Variants in CAMKK1 observed in about 807,000 individuals in gnomAD.
CAMKK1 encodes the protein calcium/calmodulin dependent protein kinase kinase 1.
CAMKK1 carries 20 observed loss-of-function variants against 63.5 expected under a neutral mutation model. That is an observed-to-expected ratio of 0.32 (90% CI 0.22 to 0.46). CAMKK1 has a LOEUF of 0.46. Among genes scored for constraint, CAMKK1 ranks in the 20% least tolerant of loss-of-function variants. CAMKK1 has a pLI of 1.00. For missense variants in CAMKK1, 588 were observed against 658.1 expected, an observed-to-expected ratio of 0.89 and a Z score of 1.17; for synonymous variants, 253 against 269.0, an observed-to-expected ratio of 0.94 and a Z score of 0.58.
Position 3,876,240 on chromosome 17 carries a change from G to T in CAMKK1, c.979C>A (p.Gln327Lys). The change falls in exon 10 of 16, where the codon CAG (glutamine) becomes AAG (lysine). Residue 327 changes from glutamine (Q) to lysine (K), a missense_variant. By Grantham distance (53) the Gln-to-Lys change is moderately conservative. Coordinates refer to ENST00000348335, the MANE Select transcript of CAMKK1 (RefSeq NM_032294.3). The part of the protein sequence containing the change: ...MAPEAISDSG[Q>K]SFSGKALDVW... ...CGAGTCACCTTCCCACTGAAGCTCT[G>T]GCCGGAATCAGAAATGGCCTCGGGG... is the stretch of plus-strand genomic sequence containing the variant. 6.2e-7 allele frequency: 1 copy of T among 1,614,180 alleles called. No homozygotes were observed. The highest frequency in any genetic ancestry group is 1.1e-5 in the South Asian group (1 of 91,082).
rs79056067 is a variant in CAMKK1 at position 3,876,198 on chromosome 17, G to A, written c.996+25C>T. On this transcript the variant is annotated intron_variant, in intron 10 of 15. Coordinates refer to ENST00000348335, the MANE Select transcript of CAMKK1 (RefSeq NM_032294.3). ...TATTACGCCCCCCACTTGAACCCCAGCCTGGCCCAGGGCCTGCGAGTCACC... is the reference window on the plus strand; with the variant it reads ...TATTACGCCCCCCACTTGAACCCCAACCTGGCCCAGGGCCTGCGAGTCACC... The A allele has an allele frequency of 2.8e-4, 450 of 1,606,094 alleles. 1 individual carries two copies. The African/African-American group carries it at 5.1e-3, about 18-fold the overall frequency.
intron 12 of CAMKK1, among the ~76,000 whole-genome samples, chr17:3,870,209 C>A (rs949556833): frequency 2.6e-5 from 4 of 152,080 alleles, no homozygotes; most frequent in Non-Finnish European, 5.9e-5. Context: ...AGAGAAGATC[C>A]TCTCTCATTT....
intron 12 of CAMKK1, among the ~76,000 whole-genome samples, chr17:3,871,333 G>GTTTTTTTTTTT (rs71155812): frequency 3.6e-5 from 4 of 111,000 alleles, no homozygotes; most frequent in Admixed American, 2.0e-4. Context: ...GTTGTTTTTT[G>GTTTTTTTTTTT]TTTTTTTTTT....
At chr17:3,876,449 G>T (rs1358893288) in intron 9 of CAMKK1, 27 bp from the exon 10 acceptor site, 1 of 1,604,426 alleles carries the variant, frequency 6.2e-7, no homozygotes, top group African/African-American at 1.3e-5. Context: ...CTTGAGCTGA[G>T]CGCTGGCCTG....
In CAMKK1 at chr17:3,887,058, A is replaced by G. The variant is rs2055685186; in HGVS notation, c.-43-1328T>C. 6.6e-6 allele frequency among the ~76,000 whole-genome samples: 1 copy of G among 152,076 alleles called. No individual in the cohort carries two copies. Among genetic ancestry groups the G allele is most frequent in the Non-Finnish European group, 1.5e-5 (1 of 68,002 alleles). On this transcript the variant is annotated intron_variant, in intron 1 of 15. Transcript: ENST00000348335. The surrounding 1 kb of genome is among the most constrained non-coding windows in gnomAD (Gnocchi z 6.1). ...GCGCCTGCTCTACCGCTCGTTCCCC[A>G]TCCCCTTGCTTTGACAGATGTCAGC...
At chr17:3,872,166 T>C (rs986084269) in intron 12 of CAMKK1, among the ~76,000 whole-genome samples, 10 of 152,194 alleles carry the variant, frequency 6.6e-5, no homozygotes, top group Non-Finnish European at 1.5e-5. Context: ...CTCTTTTCCA[T>C]CTGTGAAATG....
At chr17:3,891,954 C>T (rs73322949) in intron 1 of CAMKK1, among the ~76,000 whole-genome samples, 1 of 151,822 alleles carries the variant, frequency 6.6e-6, no homozygotes, top group Non-Finnish European at 1.5e-5. Flanking sequence ...GGTGGGAGAC[C>T]GAGGAAGAGG....
chr17:3,862,102 GCTGCAGTCCCCAGCCCCCTGC>G lies in CAMKK1; in HGVS notation c.*88_*108del. On this transcript the variant is annotated 3_prime_UTR_variant, in exon 16 of 16. Transcript: ENST00000348335. The surrounding 1 kb of genome is among the most constrained non-coding windows in gnomAD (Gnocchi z 4.1). The stretch of plus-strand genomic sequence containing the variant: ...ACGATGGGGGAGGGGCGGGAGTGGG[GCTGCAGTCCCCAGCCCCCTGC>G]CTGCGGGGGCGGCTGTTGCATGAGG... 1 of 828,090 alleles carries G rather than the reference GCTGCAGTCCCCAGCCCCCTGC, an allele frequency of 1.2e-6. No individual in the cohort carries two copies. Among genetic ancestry groups the G allele is most frequent in the Non-Finnish European group, 1.9e-6 (1 of 515,300 alleles). The allele number at this position is 828,090 out of a possible 1,614,324, so 51.3% of individuals were successfully genotyped here. A position where few individuals can be genotyped will look rare whatever the true frequency, so the allele number is the denominator to read the frequency against.
chr17:3,860,943 G>C lies in CAMKK1; in HGVS notation c.*1268C>G, dbSNP rs2143762669. 1 of 152,408 alleles carries C rather than the reference G, an allele frequency of 6.6e-6. No homozygotes were observed. Among genetic ancestry groups the C allele is most frequent in the Admixed American group, 6.5e-5 (1 of 15,302 alleles). The allele number at this position is 152,408 out of a possible 1,614,324, so 9.4% of individuals were successfully genotyped here. ...CTTGTCCATCCATGTTTCCAGGGCAGTGTCCGAGTCCTGCGTGACCCTGTG... is the reference window on the plus strand; with the variant it reads ...CTTGTCCATCCATGTTTCCAGGGCACTGTCCGAGTCCTGCGTGACCCTGTG... On this transcript the variant is annotated 3_prime_UTR_variant, in exon 16 of 16. Transcript: ENST00000348335.
intron 12 of CAMKK1, among the ~76,000 whole-genome samples, chr17:3,871,393 C>T (rs79414225): frequency 1.9e-3 from 239 of 125,330 alleles, no homozygotes; most frequent in Non-Finnish European, 3.2e-3. Context: ...CTCGCTCTGT[C>T]GCCCAGGCTG....
chr17:3,880,502 G>A, intron 8 of CAMKK1, 68 bp from the exon 9 acceptor site: 1 of 1,222,790 alleles, frequency 8.2e-7, no homozygotes, highest in Non-Finnish European at 1.2e-6. Flanking sequence ...AGGTGGTCGG[G>A]ACGTCCCGGG....
At chr17:3,886,501 G>A (rs1013332021) in intron 1 of CAMKK1, among the ~76,000 whole-genome samples, 19 of 152,156 alleles carry the variant, frequency 1.2e-4, no homozygotes, top group Admixed American at 7.9e-4. Flanking sequence ...GCATGGTGGC[G>A]TGCACCTGAA....
At chr17:3,865,800 C>G (rs555906199) in intron 15 of CAMKK1, 108 bp downstream of exon 15, 1 of 1,537,198 alleles carries the variant, frequency 6.5e-7, no homozygotes, top group Admixed American at 1.9e-5. Context: ...GGCCAAGTCC[C>G]CAGGCTCTGG....
intron 12 of CAMKK1, among the ~76,000 whole-genome samples, chr17:3,872,288 G>A (rs1240250387): frequency 2.6e-5 from 4 of 152,218 alleles, no homozygotes; most frequent in Non-Finnish European, 1.5e-5. Context: ...AGGCAGGCCT[G>A]CGGTGAAGGA....
At position 3,890,742 on chromosome 17, in the gene CAMKK1, C is replaced by T. The variant is rs755772328; in HGVS notation, c.-44+2197G>A. The T allele has an allele frequency of 1.0e-5, 8 of 779,818 alleles. No individual in the cohort carries two copies. The highest frequency in any genetic ancestry group is 1.3e-5 in the South Asian group (1 of 74,622). 48.3% of individuals were successfully genotyped at this position (779,818 alleles called of 1,614,324 possible). ...TTCCCAAATTGCATACTCTGTTCTGCTGCCAGGCCTCAGTACAAGCTGTGC... is the reference window on the plus strand; with the variant it reads ...TTCCCAAATTGCATACTCTGTTCTGTTGCCAGGCCTCAGTACAAGCTGTGC... On this transcript the variant is annotated intron_variant, in intron 1 of 15. Coordinates refer to ENST00000348335, the MANE Select transcript of CAMKK1 (RefSeq NM_032294.3). The surrounding 1 kb of genome is among the most constrained non-coding windows in gnomAD (Gnocchi z 6.5).
rs865987404 is a variant in CAMKK1, at chr17:3,868,231, C to A, written c.1341+1256G>T. 1.8e-4 allele frequency among the ~76,000 whole-genome samples: 16 copies of A among 87,050 alleles called. 1 individual carries two copies. Among genetic ancestry groups the A allele is most frequent in the Non-Finnish European group, 1.8e-4 (8 of 44,366 alleles). The allele number at this position is 87,050 out of a possible 152,430, so 57.1% of individuals were successfully genotyped here. The stretch of plus-strand genomic sequence containing the variant: ...TGGGCTCTGGGGGAGAAGCAGGCGC[C>A]GTCTAACTGATACGTGGGCTCTGGG... On this transcript the variant is annotated intron_variant, in intron 14 of 15. Transcript: ENST00000348335.
chr17:3,882,803 C>A lies in CAMKK1; in HGVS notation c.648+239G>T, dbSNP rs1270382565. 1.3e-5 allele frequency among the ~76,000 whole-genome samples: 2 copies of A among 152,188 alleles called. No individual in the cohort carries two copies. Among genetic ancestry groups the A allele is most frequent in the African/African-American group, 4.8e-5 (2 of 41,452 alleles). On this transcript the variant is annotated intron_variant, in intron 6 of 15. Transcript: ENST00000348335. This position sits in a 1 kb window ranked among gnomAD's most constrained non-coding sequence, Gnocchi z 4.3. ...CCCTCCAGCTGCAATGAGGGGCTCA[C>A]TTCTTGCCTCTGGGGCAGCCCCTCA...
chr17:3,881,822 T>A (rs1197003327), intron 7 of CAMKK1, 174 bp from the exon 8 acceptor site: 3 of 634,806 alleles, frequency 4.7e-6, no homozygotes, highest in Non-Finnish European at 2.9e-6. Flanking sequence ...GAGTGGGGTC[T>A]GCTATGGACC....
At chr17:3,885,028 A>G (rs946401167) in intron 2 of CAMKK1, among the ~76,000 whole-genome samples, 1 of 152,010 alleles carries the variant, frequency 6.6e-6, no homozygotes, top group Non-Finnish European at 1.5e-5. Flanking sequence ...GTTAGGGGGG[A>G]AGGGGGACAT....
Sources: gnomAD v4.1 joint callset for allele counts (sites outside exome capture counted in the v4.1 genomes callset) on GRCh38, gnomAD v4.1.1 for gene constraint, Gnocchi (gnomAD v3.1) non-coding constraint, MANE v1.5 for transcripts, NCBI Gene and HGNC (gene_info 2026-07-23, HGNC 2026-07-21) for gene names.